EPHB1: variants seen among roughly 807,000 people sequenced by gnomAD.
EPHB1 encodes the protein ephrin type-B receptor 1.
A neutral mutation model predicts 94.4 loss-of-function variants in EPHB1; 30 were observed. The observed-to-expected ratio is 0.32, with a 90% CI of 0.24 to 0.43. EPHB1 has a LOEUF of 0.43. Among genes scored for constraint, EPHB1 ranks in the 20% least tolerant of loss-of-function variants. EPHB1 has a pLI of 1.00. For missense variants in EPHB1, 1,055 were observed against 1,308.3 expected, an observed-to-expected ratio of 0.81 and a Z score of 2.99; for synonymous variants, 522 against 489.1, an observed-to-expected ratio of 1.07 and a Z score of -0.89.
chr3:135,204,039 C>A (rs1942830739), intron 12 of EPHB1, among the ~76,000 whole-genome samples: 1 of 151,936 alleles, frequency 6.6e-6, no homozygotes, highest in Non-Finnish European at 1.5e-5. Flanking sequence ...AGGTACAGAG[C>A]AAGTGTATAT....
At chr3:135,068,020 C>T (rs1028040408) in intron 3 of EPHB1, 4 of 152,372 alleles carry the variant, frequency 2.6e-5, no homozygotes, top group African/African-American at 9.6e-5. Flanking sequence ...GATCCCTTTC[C>T]CACTTCGGCA....
chr3:135,237,958 C>A (rs553583224), intron 12 of EPHB1, among the ~76,000 whole-genome samples: 129 of 152,320 alleles, frequency 8.5e-4, no homozygotes, highest in African/African-American at 2.6e-3. Context: ...TCCTTTTCTT[C>A]TGCTTCCCTC....
intron 1 of EPHB1, among the ~76,000 whole-genome samples, chr3:134,827,728 G>A (rs955376835): frequency 6.6e-6 from 1 of 152,206 alleles, no homozygotes; most frequent in African/African-American, 2.4e-5. Flanking sequence ...TGGGGAGCTG[G>A]GGTGGAGGCG....
intron 3 of EPHB1, among the ~76,000 whole-genome samples, chr3:135,009,661 A>G (rs992551937): frequency 2.0e-5 from 3 of 152,222 alleles, no homozygotes; most frequent in Non-Finnish European, 2.9e-5. Context: ...AAGATTTTCT[A>G]ACATCCTAAT....
intron 12 of EPHB1, among the ~76,000 whole-genome samples, chr3:135,205,422 C>T (rs1407106710): frequency 6.6e-6 from 1 of 152,126 alleles, no homozygotes; most frequent in Non-Finnish European, 1.5e-5. Flanking sequence ...ATGATACCCT[C>T]TGGCTTATAA....
At chr3:135,124,924 C>A (rs1386475610) in intron 4 of EPHB1, among the ~76,000 whole-genome samples, 2 of 151,604 alleles carry the variant, frequency 1.3e-5, no homozygotes, top group Non-Finnish European at 2.9e-5. Context: ...AACCTTCTAG[C>A]CAGCACCTGC....
At position 134,801,657 on chromosome 3, in the gene EPHB1, ACC is replaced by A. The variant is rs2035937722; in HGVS notation, c.58+5969_58+5970del. Among the ~76,000 whole-genome samples the A allele has an allele frequency of 2.6e-5, 4 of 152,334 alleles. No homozygotes were observed. The South Asian group carries it at 8.3e-4, about 32-fold the overall frequency. ...GAAATTACTGTAATAATAAAGTAAC[ACC>A]TTGGGAAAGATTTCATATTTAAAAG... On this transcript the variant is annotated intron_variant, in intron 1 of 15. Coordinates refer to ENST00000398015, the MANE Select transcript of EPHB1 (RefSeq NM_004441.5).
chr3:135,173,499 C>G (rs1941878195), intron 9 of EPHB1, among the ~76,000 whole-genome samples: 1 of 152,208 alleles, frequency 6.6e-6, no homozygotes, highest in Admixed American at 6.5e-5. Flanking sequence ...TTCCAGCCTG[C>G]ATTGTCCTCC....
At chr3:134,860,152 C>CACACACACACAG (rs759557163) in intron 1 of EPHB1, among the ~76,000 whole-genome samples, 5 of 79,522 alleles carry the variant, frequency 6.3e-5, no homozygotes, top group African/African-American at 2.1e-4. Flanking sequence ...AAGGAAGGGA[C>CACACACACACAG]ACACACACAC....
At position 134,938,900 on chromosome 3, in the gene EPHB1, G is replaced by A. The variant is rs575735246; in HGVS notation, c.124-12471G>A. On this transcript the variant is annotated intron_variant, in intron 2 of 15. Transcript: ENST00000398015. ...ACAGCTGGGTCTGGCGGACTCCAGA[G>A]CCTATGAACTTACCCCGGGCTAAGC... Among the ~76,000 whole-genome samples, 185 of 152,282 alleles carry A rather than the reference G, an allele frequency of 1.2e-3. 1 individual carries two copies. The highest frequency in any genetic ancestry group is 7.8e-4 in the Admixed American group (12 of 15,300).
At chr3:135,257,891 C>G (rs1933476875) in intron 15 of EPHB1, among the ~76,000 whole-genome samples, 2 of 151,680 alleles carry the variant, frequency 1.3e-5, no homozygotes, top group South Asian at 4.1e-4. Context: ...ACCCTCCGAG[C>G]CAGGTGTGGG....
chr3:135,190,312 T>C (rs1242970710), intron 10 of EPHB1, among the ~76,000 whole-genome samples: 2 of 152,214 alleles, frequency 1.3e-5, no homozygotes, highest in Non-Finnish European at 2.9e-5. Context: ...CAAAGAAATA[T>C]TAACACACCT....
chr3:135,027,467 G>A (rs1440608601), intron 3 of EPHB1, among the ~76,000 whole-genome samples: 3 of 148,802 alleles, frequency 2.0e-5, no homozygotes, highest in Non-Finnish European at 4.5e-5. Flanking sequence ...CATCTATTGA[G>A]ATAATCATGT....
chr3:135,142,437 G>T (rs1298729643), intron 5 of EPHB1, among the ~76,000 whole-genome samples: 1 of 152,164 alleles, frequency 6.6e-6, no homozygotes, highest in Non-Finnish European at 1.5e-5. Context: ...CATATGCTCT[G>T]AAAAGATAAA....
At chr3:135,013,586 G>A (rs1339217804) in intron 3 of EPHB1, among the ~76,000 whole-genome samples, 2 of 152,242 alleles carry the variant, frequency 1.3e-5, no homozygotes. Context: ...GGGCCAAGTT[G>A]CTTTAGGAAA....
chr3:135,214,603 G>A (rs376989918), intron 12 of EPHB1, among the ~76,000 whole-genome samples: 93 of 152,248 alleles, frequency 6.1e-4, no homozygotes, highest in African/African-American at 2.2e-3. Flanking sequence ...GGTGTAGGCA[G>A]CACCCTCATC....
chr3:134,937,110 A>G (rs147742446), intron 2 of EPHB1, among the ~76,000 whole-genome samples: 103 of 152,324 alleles, frequency 6.8e-4, no homozygotes, highest in African/African-American at 2.3e-3. Context: ...GAGTGTGTCT[A>G]TTGGGGTTAA....
intron 1 of EPHB1, among the ~76,000 whole-genome samples, chr3:134,908,151 G>A (rs916746824): frequency 1.3e-5 from 2 of 152,260 alleles, no homozygotes; most frequent in African/African-American, 2.4e-5. Flanking sequence ...GCAGTAAGCT[G>A]TGTATCTTAT....
intron 13 of EPHB1, 32 bp downstream of exon 13, chr3:135,241,329 C>A: frequency 1.2e-6 from 2 of 1,613,412 alleles, no homozygotes; most frequent in South Asian, 1.1e-5. Flanking sequence ...TCACCACAAA[C>A]CCCCATTGAA....
Sources: allele counts gnomAD v4.1 joint callset (sites outside exome capture counted in the v4.1 genomes callset), GRCh38; gene constraint gnomAD v4.1.1; transcripts MANE v1.5; gene names NCBI Gene and HGNC (gene_info 2026-07-23, HGNC 2026-07-21).